TIAM2: variants seen among roughly 807,000 people sequenced by gnomAD.
TIAM2 encodes the protein rho guanine nucleotide exchange factor TIAM2.
TIAM2 carries 80 observed loss-of-function variants against 152.9 expected under a neutral mutation model. That is an observed-to-expected ratio of 0.52 (90% CI 0.44 to 0.63). The LOEUF is 0.63. TIAM2 is among the 30% of genes least tolerant of loss of function. The pLI, the probability that TIAM2 is intolerant of heterozygous loss-of-function variation, is 0.00. For missense variants in TIAM2, 1,965 were observed against 2,120.1 expected (o/e 0.93, Z 1.44); for synonymous variants, 804 against 838.0 (o/e 0.96, Z 0.70).
chr6:155,196,674 C>T (rs569140423), intron 14 of TIAM2, among the ~76,000 whole-genome samples: 1 of 152,224 alleles, frequency 6.6e-6, no homozygotes, highest in Non-Finnish European at 1.5e-5. Flanking sequence ...TAAAGATGTC[C>T]ACTCATAGTG....
intron 19 of TIAM2, 25 bp downstream of exon 19, chr6:155,245,756 T>TTTTG: frequency 8.8e-7 from 1 of 1,138,784 alleles, no homozygotes. Flanking sequence ...CCTTTTATAG[T>TTTTG]TTTTTTTTTT....
chr6:155,039,001 C>G (rs1273693078), intron 1 of TIAM2, among the ~76,000 whole-genome samples: 1 of 146,806 alleles, frequency 6.8e-6, no homozygotes, highest in African/African-American at 2.5e-5. Context: ...TACTCTGTCA[C>G]CCAGGCTAGA....
Position 155,217,221 on chromosome 6 carries a change from G to A in TIAM2, c.3168+5914G>A, listed in dbSNP as rs1000615091. 5.2e-6 allele frequency: 5 copies of A among 964,948 alleles called. No homozygotes were observed. In the African/African-American group the frequency reaches 8.6e-5, roughly 17 times the overall value. The allele number at this position is 964,948 out of a possible 1,614,324, so 59.8% of individuals were successfully genotyped here. A position where few individuals can be genotyped will look rare whatever the true frequency, so the allele number is the denominator to read the frequency against. The stretch of plus-strand genomic sequence containing the variant: ...AATGTCTAAAGACTGATATGCAGAT[G>A]AGAAGAGATGCCTTTCTCCCCAGAA... On this transcript the variant is annotated intron_variant, in intron 15 of 26. Coordinates refer to ENST00000682666, the MANE Select transcript of TIAM2 (RefSeq NM_012454.4).
chr6:155,039,352 C>G (rs1359594591), intron 1 of TIAM2, among the ~76,000 whole-genome samples: 1 of 152,078 alleles, frequency 6.6e-6, no homozygotes, highest in African/African-American at 2.4e-5. Context: ...TAGCAGTAAT[C>G]AAGCCCACTC....
chr6:155,078,382 C>G (rs949539376), intron 1 of TIAM2, among the ~76,000 whole-genome samples: 30 of 152,304 alleles, frequency 2.0e-4, no homozygotes, highest in Middle Eastern at 3.4e-3. Context: ...CAAGTGACAG[C>G]TTGGCCTTTA....
intron 1 of TIAM2, chr6:155,005,047 A>G: frequency 1.9e-6 from 1 of 513,448 alleles, no homozygotes; most frequent in Non-Finnish European, 3.1e-6. Context: ...ATGATGAGCC[A>G]GTGGATGGTC....
At chr6:155,220,094 G>C (rs1583257712) in intron 15 of TIAM2, among the ~76,000 whole-genome samples, 1 of 152,332 alleles carries the variant, frequency 6.6e-6, no homozygotes, top group South Asian at 2.1e-4. Flanking sequence ...CTGCCAAGTG[G>C]GTCCTTGGAC....
intron 1 of TIAM2, among the ~76,000 whole-genome samples, chr6:155,059,512 C>T (rs191960169): frequency 1.1e-4 from 16 of 152,120 alleles, no homozygotes; most frequent in African/African-American, 3.1e-4. Flanking sequence ...GATCGGGTTT[C>T]GCCATGTTGG....
chr6:155,189,059 T>C (rs747257766), intron 14 of TIAM2, among the ~76,000 whole-genome samples: 1 of 152,194 alleles, frequency 6.6e-6, no homozygotes, highest in Non-Finnish European at 1.5e-5. Context: ...GCCACTTCGA[T>C]GTAAATTTGC....
intron 5 of TIAM2, among the ~76,000 whole-genome samples, chr6:155,140,285 G>A (rs778259803): frequency 1.3e-5 from 2 of 152,186 alleles, no homozygotes; most frequent in Non-Finnish European, 2.9e-5. Flanking sequence ...TAAATGGGGA[G>A]AGAGTGAACA....
intron 1 of TIAM2, among the ~76,000 whole-genome samples, chr6:155,038,481 G>C (rs1776962086): frequency 6.6e-6 from 1 of 152,222 alleles, no homozygotes; most frequent in Non-Finnish European, 1.5e-5. Flanking sequence ...TGCAGAGAAG[G>C]TGCTGCGCCA....
At chr6:155,247,864 ATGTGT>A (rs1783425227) in intron 19 of TIAM2, 131 bp from the exon 20 acceptor site, 3 of 1,116,244 alleles carry the variant, frequency 2.7e-6, no homozygotes, top group Non-Finnish European at 3.8e-6. Flanking sequence ...TGACCCACTG[ATGTGT>A]TGGGGTTTTC....
In TIAM2 at chr6:155,106,281, A is replaced by G. The variant is rs1206627481; in HGVS notation, c.-118+15902A>G. On this transcript the variant is annotated intron_variant, in intron 2 of 26. Coordinates refer to ENST00000682666, the MANE Select transcript of TIAM2 (RefSeq NM_012454.4). ...CGGCCTCCCAACGTGCTGGGATTATAGGCGTAAGTCACCATGCCCAGCCTT... is the reference window on the plus strand; with the variant it reads ...CGGCCTCCCAACGTGCTGGGATTATGGGCGTAAGTCACCATGCCCAGCCTT... 2.0e-5 allele frequency among the ~76,000 whole-genome samples: 3 copies of G among 152,152 alleles called. No homozygotes were observed. In the East Asian group the frequency reaches 5.8e-4, roughly 29 times the overall value.
intron 7 of TIAM2, among the ~76,000 whole-genome samples, chr6:155,159,856 A>T (rs1389939898): frequency 6.6e-6 from 1 of 152,234 alleles, no homozygotes; most frequent in African/African-American, 2.4e-5. Context: ...CTTAAAAATA[A>T]GATGACTATG....
intron 19 of TIAM2, 133 bp downstream of exon 19, chr6:155,245,864 A>C: frequency 1.9e-6 from 1 of 528,872 alleles, no homozygotes; most frequent in Non-Finnish European, 3.2e-6. Context: ...TGACCTTGAC[A>C]GTGGCAAATA....
chr6:155,104,571 C>A (rs1778636210), intron 2 of TIAM2, among the ~76,000 whole-genome samples: 1 of 152,030 alleles, frequency 6.6e-6, no homozygotes, highest in Admixed American at 6.5e-5. Flanking sequence ...TCCTGGCTAA[C>A]ACAGTGAAAC....
intron 9 of TIAM2, among the ~76,000 whole-genome samples, chr6:155,167,381 G>A (rs542006942): frequency 6.6e-5 from 10 of 151,982 alleles, no homozygotes; most frequent in Admixed American, 2.0e-4. Context: ...GCCACCACAC[G>A]TGGCTAATTT....
At chr6:155,252,922 T>C in intron 23 of TIAM2, 26 bp from the exon 24 acceptor site, 1 of 1,600,338 alleles carries the variant, frequency 6.2e-7, no homozygotes, top group Middle Eastern at 1.7e-4. Flanking sequence ...CCCTAACACT[T>C]TTCTTGGTGG....
At chr6:155,150,321 G>A (rs1458057328) in intron 7 of TIAM2, among the ~76,000 whole-genome samples, 2 of 152,206 alleles carry the variant, frequency 1.3e-5, no homozygotes, top group African/African-American at 4.8e-5. Context: ...TAAAATGATC[G>A]AAGTTAGGTG....
Sources: gnomAD v4.1 joint callset for allele counts (sites outside exome capture counted in the v4.1 genomes callset) on GRCh38, gnomAD v4.1.1 for gene constraint, MANE v1.5 for transcripts, NCBI Gene and HGNC (gene_info 2026-07-23, HGNC 2026-07-21) for gene names.